The following DPYD variants were observed in gnomAD, a reference collection of about 807,000 sequenced individuals.
DPYD encodes dihydropyrimidine dehydrogenase [NADP(+)].
In DPYD, 109 loss-of-function variants were observed where a neutral mutation model predicts 116.2. The ratio of observed to expected loss-of-function variants is 0.94; its 90% CI spans 0.80 to 1.10. The LOEUF is 1.10. Ranked by LOEUF, DPYD falls within the 50% of genes least tolerant of loss-of-function variation. DPYD has a pLI of 0.00. For missense variants in DPYD, 1,302 were observed against 1,254.5 expected, an observed-to-expected ratio of 1.04 and a Z score of -0.57; for synonymous variants, 440 against 432.0, an observed-to-expected ratio of 1.02 and a Z score of -0.23.
chr1:97,778,517 C>T (rs1480777168), intron 3 of DPYD, among the ~76,000 whole-genome samples: 2 of 151,992 alleles, frequency 1.3e-5, no homozygotes, highest in African/African-American at 2.4e-5. Flanking sequence ...TAGACTAATG[C>T]TATTTATTAA....
intron 8 of DPYD, among the ~76,000 whole-genome samples, chr1:97,620,051 A>C (rs1017324101): frequency 6.6e-6 from 1 of 151,234 alleles, no homozygotes; most frequent in Non-Finnish European, 1.5e-5. Context: ...AAAAAAAAAA[A>C]CATAGGCACT....
At chr1:97,524,906 C>T (rs2102001907) in intron 12 of DPYD, among the ~76,000 whole-genome samples, 1 of 152,178 alleles carries the variant, frequency 6.6e-6, no homozygotes, top group Non-Finnish European at 1.5e-5. Context: ...AACTGAAAAC[C>T]CCTGACGCAA....
chr1:97,124,663 A>G (rs1206427510), intron 20 of DPYD, among the ~76,000 whole-genome samples: 1 of 152,110 alleles, frequency 6.6e-6, no homozygotes, highest in African/African-American at 2.4e-5. Flanking sequence ...GTTTGGGTTC[A>G]GTGGATATAA....
At chr1:97,457,579 C>T (rs1676754170) in intron 13 of DPYD, among the ~76,000 whole-genome samples, 1 of 152,112 alleles carries the variant, frequency 6.6e-6, no homozygotes, top group African/African-American at 2.4e-5. Flanking sequence ...AGCAATACAG[C>T]ACATGACTGG....
chr1:97,648,007 C>T (rs998557841), intron 8 of DPYD, among the ~76,000 whole-genome samples: 2 of 152,006 alleles, frequency 1.3e-5, no homozygotes. Flanking sequence ...TAACTTTCAC[C>T]TTGGCTACAG....
chr1:97,151,340 C>T (rs562219836), intron 20 of DPYD, among the ~76,000 whole-genome samples: 117 of 152,208 alleles, frequency 7.7e-4, no homozygotes, highest in African/African-American at 2.8e-3. Flanking sequence ...TCTCCAGTCT[C>T]TAGATGAGAA....
chr1:97,524,912 C>A (rs116021858), intron 12 of DPYD, among the ~76,000 whole-genome samples: 3,036 of 152,262 alleles, frequency 0.02, 59 homozygotes, highest in South Asian at 0.026. Context: ...AAACCCCTGA[C>A]GCAAATTTTC....
chr1:97,669,428 T>C (rs1415756513), intron 8 of DPYD, among the ~76,000 whole-genome samples: 1 of 152,062 alleles, frequency 6.6e-6, no homozygotes, highest in Non-Finnish European at 1.5e-5. Context: ...ATAACCAAAC[T>C]AGATTGTATT....
chr1:97,793,729 A>G (rs1488007425), intron 3 of DPYD, among the ~76,000 whole-genome samples: 2 of 152,222 alleles, frequency 1.3e-5, no homozygotes, highest in African/African-American at 2.4e-5. Context: ...AATGTAACCT[A>G]GAGCCAAATG....
chr1:97,288,996 A>G (rs1665935441), intron 18 of DPYD, among the ~76,000 whole-genome samples: 1 of 152,200 alleles, frequency 6.6e-6, no homozygotes, highest in Non-Finnish European at 1.5e-5. Context: ...AAAAAATGAT[A>G]AAGGGGACAT....
At chr1:97,547,257 G>A (rs1223117672) in intron 12 of DPYD, among the ~76,000 whole-genome samples, 2 of 152,116 alleles carry the variant, frequency 1.3e-5, no homozygotes, top group East Asian at 3.9e-4. Flanking sequence ...CTGAAAATAA[G>A]AGTAGAATGA....
intron 19 of DPYD, among the ~76,000 whole-genome samples, chr1:97,223,048 C>T (rs1183111687): frequency 3.3e-5 from 5 of 151,888 alleles, no homozygotes; most frequent in African/African-American, 7.3e-5. Flanking sequence ...GCAATGAAGC[C>T]TCTGTGTATA....
intron 3 of DPYD, among the ~76,000 whole-genome samples, chr1:97,792,463 C>T (rs546686572): frequency 2.6e-5 from 4 of 151,718 alleles, no homozygotes; most frequent in Non-Finnish European, 4.4e-5. Flanking sequence ...TTGGTCAGGC[C>T]GATCTTGAAC....
chr1:97,420,614 CT>C (rs1674527443), intron 14 of DPYD, among the ~76,000 whole-genome samples: 2 of 152,008 alleles, frequency 1.3e-5, no homozygotes, highest in Non-Finnish European at 2.9e-5. Context: ...CATAAACGGC[CT>C]TTCGTAACTG....
intron 4 of DPYD, among the ~76,000 whole-genome samples, chr1:97,735,634 G>A (rs898866907): frequency 2.7e-5 from 4 of 150,930 alleles, no homozygotes; most frequent in Non-Finnish European, 5.9e-5. Flanking sequence ...CTTGCAGTGC[G>A]CAGAGATTGC....
At chr1:97,495,494 C>T (rs1679210906) in intron 13 of DPYD, among the ~76,000 whole-genome samples, 1 of 152,048 alleles carries the variant, frequency 6.6e-6, no homozygotes, top group South Asian at 2.1e-4. Flanking sequence ...AATTTCTCTT[C>T]CCAAGCCACA....
Position 97,529,367 on chromosome 1 carries a change from T to G in DPYD, c.1525-13426A>C, listed in dbSNP as rs371061210. ...TAACAGAGTATCTTTTCTTTCTTTT[T>G]TAAAAAAAGTAGTCTATTTTATTTA... On this transcript the variant is annotated intron_variant, in intron 12 of 22. Coordinates refer to ENST00000370192, the MANE Select transcript of DPYD (RefSeq NM_000110.4). Among the ~76,000 whole-genome samples, 13 of 152,274 alleles carry G rather than the reference T, an allele frequency of 8.5e-5. No homozygotes were observed. The South Asian group carries it at 2.5e-3, about 29-fold the overall frequency.
At chr1:97,212,488 T>C (rs886300016) in intron 19 of DPYD, among the ~76,000 whole-genome samples, 3 of 152,122 alleles carry the variant, frequency 2.0e-5, no homozygotes, top group Non-Finnish European at 4.4e-5. Context: ...ATTTAGACTG[T>C]GTCCAGTTTT....
chr1:97,547,810 A>C (rs956535159), intron 12 of DPYD, among the ~76,000 whole-genome samples: 4 of 151,838 alleles, frequency 2.6e-5, no homozygotes, highest in African/African-American at 9.7e-5. Flanking sequence ...TCTCCCAATT[A>C]CCTCATTCAT....
Sources: allele counts gnomAD v4.1 joint callset (sites outside exome capture counted in the v4.1 genomes callset), GRCh38; gene constraint gnomAD v4.1.1; transcripts MANE v1.5; gene names NCBI Gene and HGNC (gene_info 2026-07-23, HGNC 2026-07-21).